Variants in LEPR observed in about 807,000 individuals in gnomAD.
LEPR encodes the protein leptin receptor.
Under a neutral mutation model 114.7 loss-of-function variants are expected in LEPR, and 56 were observed. The observed-to-expected ratio is 0.49, with a 90% CI of 0.39 to 0.61. The LOEUF (loss-of-function observed/expected upper bound fraction) is 0.61, where lower values mean the gene tolerates loss of function less well. Among genes scored for constraint, LEPR ranks in the 20% least tolerant of loss-of-function variants. The pLI is 0.00. For synonymous variants in LEPR, 443 were observed against 461.4 expected (o/e 0.96, Z 0.51); for missense variants, 1,202 against 1,352.9 (o/e 0.89, Z 1.75).
chr1:65,570,186 T>C (rs1242902246), intron 3 of LEPR, among the ~76,000 whole-genome samples: 1 of 152,202 alleles, frequency 6.6e-6, no homozygotes, highest in African/African-American at 2.4e-5. Context: ...TGTTTCCTTT[T>C]ATTAAAACAT....
chr1:65,500,792 T>C (rs1403438362), intron 2 of LEPR, among the ~76,000 whole-genome samples: 2 of 152,070 alleles, frequency 1.3e-5, no homozygotes, highest in Non-Finnish European at 2.9e-5. Flanking sequence ...CTGCACGAGG[T>C]GTTGGCACCC....
chr1:65,522,375 T>A (rs1286508208), intron 2 of LEPR, among the ~76,000 whole-genome samples: 1 of 152,172 alleles, frequency 6.6e-6, no homozygotes, highest in Non-Finnish European at 1.5e-5. Context: ...CCCATTTACT[T>A]GGGCAGTCAT....
chr1:65,468,394 A>T (rs1433202022), intron 2 of LEPR, among the ~76,000 whole-genome samples: 2 of 152,228 alleles, frequency 1.3e-5, no homozygotes, highest in Non-Finnish European at 2.9e-5. Context: ...GACACTGGGT[A>T]TGTGGTATAG....
intron 1 of LEPR, among the ~76,000 whole-genome samples, chr1:65,423,304 G>C (rs1023452153): frequency 6.6e-6 from 1 of 152,138 alleles, no homozygotes; most frequent in African/African-American, 2.4e-5. Flanking sequence ...AGTGAAAAGA[G>C]AGATGGGGTT....
intron 8 of LEPR, among the ~76,000 whole-genome samples, chr1:65,600,267 C>T (rs1330455692): frequency 6.6e-6 from 1 of 152,038 alleles, no homozygotes; most frequent in Non-Finnish European, 1.5e-5. Context: ...TGAGTGCCAC[C>T]TCGGCTAGGA....
chr1:65,518,867 CTTTCTT>C (rs557720111), intron 2 of LEPR, among the ~76,000 whole-genome samples: 5,324 of 139,922 alleles, frequency 0.038, 149 homozygotes, highest in African/African-American at 0.064. Flanking sequence ...TTCTTTCTTT[CTTTCTT>C]TTTCTTTCTT....
Position 65,633,050 on chromosome 1 carries a change from C to A in LEPR, c.2674-3141C>A. The stretch of plus-strand genomic sequence containing the variant: ...GTAACCTAACACAAAAATTTATAGT[C>A]CAGAACCCATGCTTGACAATGTTTT... On this transcript the variant is annotated intron_variant, in intron 19 of 19. Coordinates refer to ENST00000349533, the MANE Select transcript of LEPR (RefSeq NM_002303.6). This position sits in a 1 kb window ranked among gnomAD's most constrained non-coding sequence, Gnocchi z 4.1. 2 of 965,398 alleles carry A rather than the reference C, an allele frequency of 2.1e-6. No homozygotes were observed. The highest frequency in any genetic ancestry group is 3.2e-6 in the Non-Finnish European group (2 of 627,504). 59.8% of individuals were successfully genotyped at this position (965,398 alleles called of 1,614,324 possible).
At chr1:65,531,213 T>C (rs982848308) in intron 2 of LEPR, among the ~76,000 whole-genome samples, 35 of 152,208 alleles carry the variant, frequency 2.3e-4, no homozygotes, top group African/African-American at 7.5e-4. Context: ...TTCTTGACTA[T>C]ATTAGAAACC....
intron 2 of LEPR, among the ~76,000 whole-genome samples, chr1:65,471,060 G>A (rs1240154911): frequency 6.6e-6 from 1 of 152,192 alleles, no homozygotes; most frequent in African/African-American, 2.4e-5. Context: ...CAATACTCCT[G>A]ATGACTGGTA....
intron 19 of LEPR, chr1:65,634,035 A>G: frequency 4.1e-6 from 4 of 985,366 alleles, no homozygotes; most frequent in Non-Finnish European, 3.6e-6. Flanking sequence ...CAGTGATGCA[A>G]AAAAGGGAGA....
chr1:65,514,168 C>T (rs755039109), intron 2 of LEPR, among the ~76,000 whole-genome samples: 3 of 152,180 alleles, frequency 2.0e-5, no homozygotes, highest in Non-Finnish European at 4.4e-5. Context: ...TTCTTGATCA[C>T]AGTGTAAATA....
At chr1:65,606,790 C>T (rs1656838756) in intron 11 of LEPR, among the ~76,000 whole-genome samples, 1 of 152,174 alleles carries the variant, frequency 6.6e-6, no homozygotes, top group Admixed American at 6.5e-5. Flanking sequence ...TATATATCAT[C>T]TTCCTGGGTT....
rs767243040 is a variant in LEPR at position 65,639,227 on chromosome 1, C to T, written c.*2212C>T. ...TGTGTAAAGAAATGTAGTGACAGCA[C>T]ATTAACCTGAGATCATTGATACCAT... On this transcript the variant is annotated 3_prime_UTR_variant, in exon 20 of 20. Transcript: ENST00000349533. The T allele has an allele frequency of 1.3e-5, 2 of 152,198 alleles. No individual in the cohort carries two copies. The highest frequency in any genetic ancestry group is 2.9e-5 in the Non-Finnish European group (2 of 68,038). 9.4% of individuals were successfully genotyped at this position (152,198 alleles called of 1,614,324 possible). A position where few individuals can be genotyped will look rare whatever the true frequency, so the allele number is the denominator to read the frequency against.
chr1:65,474,326 C>A (rs1647128474), intron 2 of LEPR, among the ~76,000 whole-genome samples: 1 of 152,186 alleles, frequency 6.6e-6, no homozygotes. Flanking sequence ...GTACTTAAGC[C>A]CTCTGTGGCT....
intron 2 of LEPR, among the ~76,000 whole-genome samples, chr1:65,553,622 T>G (rs865876965): frequency 6.6e-5 from 10 of 152,204 alleles, no homozygotes; most frequent in Middle Eastern, 3.4e-3. Flanking sequence ...CCTCTAACCT[T>G]TTTTCAACAT....
At chr1:65,509,220 A>G (rs905208890) in intron 2 of LEPR, among the ~76,000 whole-genome samples, 1 of 152,046 alleles carries the variant, frequency 6.6e-6, no homozygotes, top group Non-Finnish European at 1.5e-5. Context: ...GACTTCCCGT[A>G]CTATGTTGCA....
At chr1:65,518,944 T>A in intron 2 of LEPR, among the ~76,000 whole-genome samples, 1 of 151,002 alleles carries the variant, frequency 6.6e-6, no homozygotes, top group Non-Finnish European at 1.5e-5. Context: ...TTTCTTTCTC[T>A]TTCTTCTTTC....
At chr1:65,546,225 T>C (rs1651706657) in intron 2 of LEPR, among the ~76,000 whole-genome samples, 1 of 152,224 alleles carries the variant, frequency 6.6e-6, no homozygotes, top group African/African-American at 2.4e-5. Flanking sequence ...GTAGTATAGT[T>C]TGAAGTCAGG....
intron 2 of LEPR, among the ~76,000 whole-genome samples, chr1:65,469,687 CAG>C (rs1435335735): frequency 2.6e-5 from 4 of 152,166 alleles, no homozygotes; most frequent in Non-Finnish European, 5.9e-5. Flanking sequence ...CTTAGCAAAA[CAG>C]TGTGTATGCA....
Sources: gnomAD v4.1 joint callset for allele counts (sites outside exome capture counted in the v4.1 genomes callset) on GRCh38, gnomAD v4.1.1 for gene constraint, Gnocchi (gnomAD v3.1) non-coding constraint, MANE v1.5 for transcripts, NCBI Gene and HGNC (gene_info 2026-07-23, HGNC 2026-07-21) for gene names.